ONECUT2: variants seen among roughly 807,000 people sequenced by gnomAD.
ONECUT2 encodes the protein one cut domain family member 2.
Under a neutral mutation model 27.9 loss-of-function variants are expected in ONECUT2, and 10 were observed. That is an observed-to-expected ratio of 0.36 (90% CI 0.22 to 0.61). The LOEUF (loss-of-function observed/expected upper bound fraction) is 0.61, where lower values mean the gene tolerates loss of function less well. ONECUT2 is among the 20% of genes least tolerant of loss of function. ONECUT2 has a pLI of 0.73. For synonymous variants in ONECUT2, 334 were observed against 315.1 expected (o/e 1.06, Z -0.64); for missense variants, 686 against 721.0 (o/e 0.95, Z 0.56).
chr18:57,446,717 C>A (rs1269071605), intron 1 of ONECUT2, among the ~76,000 whole-genome samples: 1 of 152,192 alleles, frequency 6.6e-6, no homozygotes, highest in African/African-American at 2.4e-5. Context: ...GAAACTGTAA[C>A]CTCTGCCTCT....
Position 57,436,447 on chromosome 18 carries a change from A to G in ONECUT2, c.731A>G (p.Gln244Arg). ...NGLGGLHNAQ[Q>R]SLPNYGPPGH... ...CTAGGCGGCCTCCACAACGCGCAGC[A>G]GAGTCTGCCCAACTACGGTCCGCCG... The change falls in exon 1 of 2, where the codon CAG becomes CGG. Residue 244 changes from glutamine to arginine, a missense_variant. Coordinates refer to ENST00000491143, the MANE Select transcript of ONECUT2 (RefSeq NM_004852.3). The surrounding 1 kb of genome is among the most constrained non-coding windows in gnomAD (Gnocchi z 5.9). The G allele has an allele frequency of 5.0e-6, 8 of 1,612,956 alleles. No homozygotes were observed. Among genetic ancestry groups the G allele is most frequent in the Non-Finnish European group, 6.8e-6 (8 of 1,179,842 alleles).
In ONECUT2 at chr18:57,466,511, C is replaced by T. The variant is rs1044982043; in HGVS notation, c.1229-9926C>T. 4.6e-5 allele frequency among the ~76,000 whole-genome samples: 7 copies of T among 152,358 alleles called. No homozygotes were observed. The East Asian group carries it at 7.7e-4, about 17-fold the overall frequency. On this transcript the variant is annotated intron_variant, in intron 1 of 1. Transcript: ENST00000491143. ...ATTAAATATTTGTTTTAGCAACTCA[C>T]GACTTCCTGGATGGCTTACAGGAAT...
rs1568126730 is a variant in ONECUT2 at position 57,481,412 on chromosome 18, T to C, written c.*4689T>C. 2 of 152,182 alleles carry C rather than the reference T, an allele frequency of 1.3e-5. No homozygotes were observed. The highest frequency in any genetic ancestry group is 2.9e-5 in the Non-Finnish European group (2 of 68,018). 9.4% of individuals were successfully genotyped at this position (152,182 alleles called of 1,614,324 possible). ...ATTTTCAATTCAAGCTAAAATAAAA[T>C]CAACATTTGGAATGTAAATCTGATA... On this transcript the variant is annotated 3_prime_UTR_variant, in exon 2 of 2. Coordinates refer to ENST00000491143, the MANE Select transcript of ONECUT2 (RefSeq NM_004852.3).
chr18:57,446,471 A>T (rs879572992), intron 1 of ONECUT2, among the ~76,000 whole-genome samples: 6 of 152,140 alleles, frequency 3.9e-5, no homozygotes, highest in African/African-American at 1.4e-4. Context: ...GGTGGAAGAA[A>T]GGTTTCAAGT....
rs2050414664 is a variant in ONECUT2 at position 57,481,264 on chromosome 18, T to G, written c.*4541T>G. On this transcript the variant is annotated 3_prime_UTR_variant, in exon 2 of 2. Coordinates refer to ENST00000491143, the MANE Select transcript of ONECUT2 (RefSeq NM_004852.3). Reference sequence around the variant, plus strand: ...GTTTAGCTTGCACCATGCATAAAGGTGCAGGCTAGTTGAACCAGGAAGCAT... The same window carrying G: ...GTTTAGCTTGCACCATGCATAAAGGGGCAGGCTAGTTGAACCAGGAAGCAT... 6.6e-6 allele frequency: 1 copy of G among 152,188 alleles called. No homozygotes were observed. The highest frequency in any genetic ancestry group is 1.5e-5 in the Non-Finnish European group (1 of 68,034). 9.4% of individuals were successfully genotyped at this position (152,188 alleles called of 1,614,324 possible). A position where few individuals can be genotyped will look rare whatever the true frequency, so the allele number is the denominator to read the frequency against.
intron 1 of ONECUT2, among the ~76,000 whole-genome samples, chr18:57,450,165 G>T (rs1456611957): frequency 6.6e-6 from 1 of 151,996 alleles, no homozygotes; most frequent in Non-Finnish European, 1.5e-5. Flanking sequence ...CTCAAAAGGG[G>T]GTATTCTTTT....
intron 1 of ONECUT2, among the ~76,000 whole-genome samples, chr18:57,449,723 TC>T (rs1296571211): frequency 1.3e-5 from 2 of 152,256 alleles, no homozygotes; most frequent in East Asian, 3.8e-4. Context: ...CCTGTCCATG[TC>T]TTTGCACGTT....
At chr18:57,449,885 A>G (rs907740584) in intron 1 of ONECUT2, among the ~76,000 whole-genome samples, 1 of 152,188 alleles carries the variant, frequency 6.6e-6, no homozygotes, top group Admixed American at 6.5e-5. Context: ...AATCATTGCA[A>G]ATGACAGAAC....
Position 57,436,647 on chromosome 18 carries a change from A to C in ONECUT2, c.931A>C (p.Ser311Arg). The change falls in exon 1 of 2, where the codon AGT becomes CGT. Residue 311 changes from serine to arginine, a missense_variant. Transcript: ENST00000491143. This position sits in a 1 kb window ranked among gnomAD's most constrained non-coding sequence, Gnocchi z 5.9. The stretch of plus-strand genomic sequence containing the variant: ...GTCTCACGGGCCGGTGCTGGCACCC[A>C]GTCGCGAGCGGCCACCCTCGTCCTC... ...TQSHGPVLAP[S>R]RERPPSSSSG... 1 of 1,612,258 alleles carries C rather than the reference A, an allele frequency of 6.2e-7. No homozygotes were observed. The highest frequency in any genetic ancestry group is 8.5e-7 in the Non-Finnish European group (1 of 1,179,876).
In ONECUT2 at chr18:57,476,043, G is replaced by A. The variant is rs9966905; in HGVS notation, c.1229-394G>A. 5.5e-3 allele frequency among the ~76,000 whole-genome samples: 830 copies of A among 152,160 alleles called. 8 individuals are homozygous for A. Among genetic ancestry groups the A allele is most frequent in the African/African-American group, 0.018 (745 of 41,520 alleles). ...CAACTCAGCTGTAAACAATTCGAGA[G>A]GGTGAATATGAAAGAGGAACTGCCT... On this transcript the variant is annotated intron_variant, in intron 1 of 1. Coordinates refer to ENST00000491143, the MANE Select transcript of ONECUT2 (RefSeq NM_004852.3).
chr18:57,445,558 A>G (rs919429673), intron 1 of ONECUT2, among the ~76,000 whole-genome samples: 6 of 152,010 alleles, frequency 3.9e-5, no homozygotes, highest in Admixed American at 6.6e-5. Flanking sequence ...TTGTTTTTGT[A>G]CATTCATGTT....
chr18:57,482,293 T>C lies in ONECUT2; in HGVS notation c.*5570T>C, dbSNP rs780165166. Reference sequence around the variant, plus strand: ...GTTTTAGAAAGTCTCAGAATACTTATAAAATACAGAAGTAGTTATTAAAAT... The same window carrying C: ...GTTTTAGAAAGTCTCAGAATACTTACAAAATACAGAAGTAGTTATTAAAAT... On this transcript the variant is annotated 3_prime_UTR_variant, in exon 2 of 2. Coordinates refer to ENST00000491143, the MANE Select transcript of ONECUT2 (RefSeq NM_004852.3). 9 of 152,214 alleles carry C rather than the reference T, an allele frequency of 5.9e-5. No homozygotes were observed. The highest frequency in any genetic ancestry group is 3.3e-4 in the Admixed American group (5 of 15,278). 9.4% of individuals were successfully genotyped at this position (152,214 alleles called of 1,614,324 possible). A position where few individuals can be genotyped will look rare whatever the true frequency, so the allele number is the denominator to read the frequency against.
chr18:57,476,665 A>G lies in ONECUT2; in HGVS notation c.1457A>G (p.Gln486Arg). The G allele has an allele frequency of 6.2e-7, 1 of 1,614,198 alleles. No individual in the cohort carries two copies. The highest frequency in any genetic ancestry group is 8.5e-7 in the Non-Finnish European group (1 of 1,180,034). The part of the protein sequence containing the change: ...NARRRSLEKW[Q>R]DDLSTGGSSS... The stretch of plus-strand genomic sequence containing the variant: ...CGGCGCCGCAGCCTGGAGAAGTGGC[A>G]AGACGATCTGAGCACAGGGGGCTCC... The change falls in exon 2 of 2, where the codon CAA (glutamine) becomes CGA (arginine). Residue 486 changes from glutamine (Q) to arginine (R), a missense_variant. This residue lies in a region of ONECUT2 where 77 missense variants were observed against 105.5 expected (regional missense o/e 0.73). Coordinates refer to ENST00000491143, the MANE Select transcript of ONECUT2 (RefSeq NM_004852.3).
At chr18:57,438,367 G>C (rs1568117305) in intron 1 of ONECUT2, among the ~76,000 whole-genome samples, 2 of 152,210 alleles carry the variant, frequency 1.3e-5, no homozygotes, top group Non-Finnish European at 2.9e-5. Flanking sequence ...TCGTGGTGGC[G>C]ATGATTTGCA....
chr18:57,456,304 TATTCAC>T (rs1245230522), intron 1 of ONECUT2, among the ~76,000 whole-genome samples: 1 of 152,230 alleles, frequency 6.6e-6, no homozygotes, highest in Non-Finnish European at 1.5e-5. Context: ...ACTGCAGTGT[TATTCAC>T]AACAGCCAAA....
chr18:57,435,721 A>G lies in ONECUT2; in HGVS notation c.5A>G (p.Lys2Arg). M[K>R]AAYTAYRCLT... Reference sequence around the variant, plus strand: ...CCCCGGGCCCTGATGGACTGAATGAAGGCTGCCTACACCGCCTATCGATGC... The same window carrying G: ...CCCCGGGCCCTGATGGACTGAATGAGGGCTGCCTACACCGCCTATCGATGC... Residue 2 changes from lysine (K) to arginine (R), a missense_variant, in exon 1 of 2, where the codon AAG becomes AGG. Transcript: ENST00000491143. 3.2e-6 allele frequency: 4 copies of G among 1,234,736 alleles called. No homozygotes were observed. Among genetic ancestry groups the G allele is most frequent in the Non-Finnish European group, 2.1e-6 (2 of 955,370 alleles). The allele number at this position is 1,234,736 out of a possible 1,614,324, so 76.5% of individuals were successfully genotyped here. A position where few individuals can be genotyped will look rare whatever the true frequency, so the allele number is the denominator to read the frequency against.
intron 1 of ONECUT2, among the ~76,000 whole-genome samples, chr18:57,474,965 G>A (rs978150065): frequency 6.6e-6 from 1 of 152,048 alleles, no homozygotes; most frequent in Non-Finnish European, 1.5e-5. Flanking sequence ...CCCCATCTGG[G>A]CCTCTGCTCC....
In ONECUT2 at chr18:57,479,613, C is replaced by A. The variant is rs560588; in HGVS notation, c.*2890C>A. The A allele has an allele frequency of 0.99, 150,451 of 152,724 alleles. 74,148 individuals carry two copies. The highest frequency in any genetic ancestry group is 1 in the East Asian group (5,180 of 5,180). The allele number at this position is 152,724 out of a possible 1,614,324, so 9.5% of individuals were successfully genotyped here. On this transcript the variant is annotated 3_prime_UTR_variant, in exon 2 of 2. Transcript: ENST00000491143. Reference sequence around the variant, plus strand: ...TGTTGATAAATGGATCCATGGTGTACATGAGTTTTATTTGTATTCGGAGTC... The same window carrying A: ...TGTTGATAAATGGATCCATGGTGTAAATGAGTTTTATTTGTATTCGGAGTC...
At chr18:57,460,585 G>T (rs980468118) in intron 1 of ONECUT2, among the ~76,000 whole-genome samples, 2 of 148,798 alleles carry the variant, frequency 1.3e-5, no homozygotes, top group African/African-American at 2.5e-5. Context: ...AGCCTTCCTT[G>T]TATTTTCACT....
Sources: allele counts gnomAD v4.1 joint callset (sites outside exome capture counted in the v4.1 genomes callset), GRCh38; gene constraint gnomAD v4.1.1; regional missense constraint gnomAD v4.1.1; non-coding constraint Gnocchi (gnomAD v3.1); transcripts MANE v1.5; gene names NCBI Gene and HGNC (gene_info 2026-07-23, HGNC 2026-07-21).